ZNF208: variants seen among roughly 807,000 people sequenced by gnomAD.
The protein encoded by ZNF208 is zinc finger protein 208.
In ZNF208, 10 loss-of-function variants were observed where a neutral mutation model predicts 12.1. That is an observed-to-expected ratio of 0.83 (90% CI 0.51 to 1.40). The LOEUF (loss-of-function observed/expected upper bound fraction) is 1.40, where lower values mean the gene tolerates loss of function less well. Ranked by LOEUF, ZNF208 falls within the 40% of genes most tolerant of loss-of-function variation. ZNF208 has a pLI of 0.00. For synonymous variants in ZNF208, 497 were observed against 488.4 expected, an observed-to-expected ratio of 1.02 and a Z score of -0.23; for missense variants, 1,652 against 1,485.0, an observed-to-expected ratio of 1.11 and a Z score of -1.85.
intron 4 of ZNF208, among the ~76,000 whole-genome samples, chr19:21,944,952 C>A (rs1969794282): frequency 6.6e-6 from 1 of 152,202 alleles, no homozygotes; most frequent in Non-Finnish European, 1.5e-5. Flanking sequence ...CTTATTCAAG[C>A]AAAGCTCTCT....
At chr19:21,963,166 T>C (rs561344196), downstream of ZNF208, among the ~76,000 whole-genome samples, 12 of 152,196 alleles carry the variant, frequency 7.9e-5, no homozygotes, top group African/African-American at 2.6e-4. Context: ...GTTTTGGTGA[T>C]ACTCCTGTGC....
At chr19:21,999,018 T>A (rs1338811357) in intron 1 of ZNF208, among the ~76,000 whole-genome samples, 1 of 80,632 alleles carries the variant, frequency 1.2e-5, no homozygotes, top group African/African-American at 5.7e-5. Flanking sequence ...GCTATAATTT[T>A]ATAGCATAAT....
intron 4 of ZNF208, among the ~76,000 whole-genome samples, chr19:21,952,879 G>T (rs1398040200): frequency 1.3e-5 from 2 of 152,126 alleles, no homozygotes; most frequent in Non-Finnish European, 2.9e-5. Flanking sequence ...CTGAGCTAAA[G>T]GAGCATGTTC....
chr19:21,956,047 C>T (rs143817923), intron 4 of ZNF208, among the ~76,000 whole-genome samples: 3,617 of 152,000 alleles, frequency 0.024, 59 homozygotes, highest in Non-Finnish European at 0.035. Context: ...GTTAATTTTC[C>T]TTCTAACAGT....
At chr19:21,943,254 C>G (rs1361664811) in intron 4 of ZNF208, among the ~76,000 whole-genome samples, 1 of 152,066 alleles carries the variant, frequency 6.6e-6, no homozygotes, top group African/African-American at 2.4e-5. Context: ...TAAAATAGAG[C>G]TTTTGGTAAG....
Position 21,974,512 on chromosome 19 carries a change from T to C in ZNF208, c.522A>G (p.Gln174=), listed in dbSNP as rs1350208332. The stretch of plus-strand genomic sequence containing the variant: ...AAAATGATCTGACGTATTCTTTACA[T>C]TGCAAATGTTTCTTTCCAGTATGCC... The part of the protein sequence containing the change: ...KIRHTGKKHL[Q]CKEYVRSFCM... The change falls in exon 4 of 4, where the codon CAA becomes CAG. Residue 174 remains glutamine, a synonymous_variant. Transcript: ENST00000397126. 3.7e-6 allele frequency: 6 copies of C among 1,613,610 alleles called. No homozygotes were observed. Among genetic ancestry groups the C allele is most frequent in the African/African-American group, 2.7e-5 (2 of 74,924 alleles).
At chr19:21,963,953 T>C (rs1365418447), downstream of ZNF208, among the ~76,000 whole-genome samples, 2 of 151,942 alleles carry the variant, frequency 1.3e-5, no homozygotes, top group African/African-American at 2.4e-5. Context: ...TAGTAAACTA[T>C]AAAGTATTGC....
In ZNF208 at chr19:21,970,865, C is replaced by G; in HGVS notation, c.*326G>C. ...CACTTTCTTCACATTTGTAGGGTTT[C>G]TCTCCAGTATGAATTTTCTATGATA... On this transcript the variant is annotated 3_prime_UTR_variant, in exon 4 of 4. Transcript: ENST00000397126. 6.6e-7 allele frequency: 1 copy of G among 1,511,480 alleles called. No individual in the cohort carries two copies. The highest frequency in any genetic ancestry group is 9.2e-7 in the Non-Finnish European group (1 of 1,089,114). 93.6% of individuals were successfully genotyped at this position (1,511,480 alleles called of 1,614,324 possible).
intron 4 of ZNF208, among the ~76,000 whole-genome samples, chr19:21,957,772 A>G (rs1334356141): frequency 1.3e-5 from 2 of 152,162 alleles, no homozygotes; most frequent in East Asian, 1.9e-4. Context: ...GTATAATAAT[A>G]AAGTCTATTT....
At chr19:21,951,135 A>T (rs1413257436) in intron 4 of ZNF208, among the ~76,000 whole-genome samples, 1 of 152,234 alleles carries the variant, frequency 6.6e-6, no homozygotes, top group Non-Finnish European at 1.5e-5. Flanking sequence ...GTTTTAATGT[A>T]AACTGCTTCT....
chr19:22,005,988 C>T (rs945881411), intron 1 of ZNF208, among the ~76,000 whole-genome samples: 53 of 151,952 alleles, frequency 3.5e-4, no homozygotes, highest in Non-Finnish European at 4.9e-4. Flanking sequence ...TTTTCTTCTT[C>T]TTCTCATTAA....
intron 4 of ZNF208, among the ~76,000 whole-genome samples, chr19:21,953,055 A>G (rs997901673): frequency 1.3e-5 from 2 of 152,250 alleles, no homozygotes; most frequent in Admixed American, 6.5e-5. Flanking sequence ...TAAGCGGAAG[A>G]AAGGGTACCA....
chr19:21,972,573 T>C lies in ZNF208; in HGVS notation c.2461A>G (p.Thr821Ala), dbSNP rs775648474. The C allele has an allele frequency of 2.5e-6, 4 of 1,613,538 alleles. No homozygotes were observed. In the South Asian group the frequency reaches 4.4e-5, roughly 18 times the overall value. The stretch of plus-strand genomic sequence containing the variant: ...CCAGCATGAATTGCCTTATGTGTAG[T>C]AAGGGTTGAGACCTTACTAAAGGTT... Reference protein sequence around the residue: ...GKTFSKVSTLTTHKAIHAGEK... With the variant: ...GKTFSKVSTLATHKAIHAGEK... The change falls in exon 4 of 4, where the codon ACT (threonine) becomes GCT (alanine). Residue 821 changes from threonine (T) to alanine (A), a missense_variant. This residue lies in a region of ZNF208 where 1,239 missense variants were observed against 1,086.2 expected (regional missense o/e 1.14). Coordinates refer to ENST00000397126, the MANE Select transcript of ZNF208 (RefSeq NM_007153.3).
rs1971135845 is a variant in ZNF208 at position 22,010,815 on chromosome 19, C to G, written c.-21G>C. On this transcript the variant is annotated 5_prime_UTR_variant, in exon 1 of 4. Coordinates refer to ENST00000397126, the MANE Select transcript of ZNF208 (RefSeq NM_007153.3). The stretch of plus-strand genomic sequence containing the variant: ...ACCATTTCTAGGCTTCCAGGGGGTC[C>G]TGGCGACTTAGTTGTGGATCTCCCA... 6.2e-7 allele frequency: 1 copy of G among 1,614,098 alleles called. No individual in the cohort carries two copies. Among genetic ancestry groups the G allele is most frequent in the East Asian group, 2.2e-5 (1 of 44,876 alleles).
At chr19:22,008,021 A>AG (rs58548386) in intron 1 of ZNF208, among the ~76,000 whole-genome samples, 2 of 135,684 alleles carry the variant, frequency 1.5e-5, no homozygotes, top group Non-Finnish European at 3.2e-5. Context: ...AAAAAAAAAA[A>AG]GGGCCGGGCG....
chr19:21,952,593 G>GA (rs1289301137), intron 4 of ZNF208, among the ~76,000 whole-genome samples: 4 of 152,158 alleles, frequency 2.6e-5, no homozygotes, highest in Admixed American at 2.6e-4. Context: ...CTGTTAGAAA[G>GA]AAAACCAGCA....
chr19:21,986,311 C>T lies in ZNF208; in HGVS notation c.226+905G>A, dbSNP rs1424055318. Among the ~76,000 whole-genome samples the T allele has an allele frequency of 3.9e-5, 6 of 152,118 alleles. No homozygotes were observed. The East Asian group carries it at 9.6e-4, about 24-fold the overall frequency. On this transcript the variant is annotated intron_variant, in intron 3 of 3. Transcript: ENST00000397126. ...TAAAACCTTTTCAAACCAATAAATA[C>T]ACTCAGTAAATTAGCAAAATATAAA...
chr19:22,004,168 AC>A (rs1356840519), intron 1 of ZNF208, among the ~76,000 whole-genome samples: 1 of 150,400 alleles, frequency 6.6e-6, no homozygotes, highest in Non-Finnish European at 1.5e-5. Flanking sequence ...AAAAGGTGAG[AC>A]CCTGTCTCCA....
At chr19:21,954,126 T>C (rs1178038010) in intron 4 of ZNF208, among the ~76,000 whole-genome samples, 1 of 152,230 alleles carries the variant, frequency 6.6e-6, no homozygotes, top group Non-Finnish European at 1.5e-5. Context: ...TTGTTCAGTT[T>C]CCATGTAGTT....
Sources: allele counts gnomAD v4.1 joint callset (sites outside exome capture counted in the v4.1 genomes callset), GRCh38; gene constraint gnomAD v4.1.1; regional missense constraint gnomAD v4.1.1; transcripts MANE v1.5; gene names NCBI Gene and HGNC (gene_info 2026-07-23, HGNC 2026-07-21).